ZFHX3: variants seen among roughly 807,000 people sequenced by gnomAD.
ZFHX3 encodes zinc finger homeobox 3, also known as zinc finger homeobox protein 3.
ZFHX3 carries 42 observed loss-of-function variants against 279.1 expected under a neutral mutation model. The observed-to-expected ratio is 0.15, with a 90% confidence interval of 0.12 to 0.19. The LOEUF (loss-of-function observed/expected upper bound fraction) is 0.19. Ranked by LOEUF, ZFHX3 falls within the 10% of genes least tolerant of loss-of-function variation. The pLI, the probability that ZFHX3 is intolerant of heterozygous loss-of-function variation, is 1.00. For synonymous variants in ZFHX3, 2,293 were observed against 1,957.8 expected, an observed-to-expected ratio of 1.17 and a Z score of -4.52; for missense variants, 4,981 against 4,754.0, an observed-to-expected ratio of 1.05 and a Z score of -1.40.
At chr16:73,723,187 G>C (rs2639308) in intron 1 of ZFHX3, among the ~76,000 whole-genome samples, 1 of 152,058 alleles carries the variant, frequency 6.6e-6, no homozygotes, top group South Asian at 2.1e-4. Context: ...GATTCTCTGA[G>C]TGCTTTACAA....
chr16:72,915,177 A>G (rs991161482), intron 3 of ZFHX3, among the ~76,000 whole-genome samples: 2 of 152,304 alleles, frequency 1.3e-5, no homozygotes, highest in East Asian at 1.9e-4. Flanking sequence ...TTCTCCAAAT[A>G]TCTGGCATTT....
intron 3 of ZFHX3, among the ~76,000 whole-genome samples, chr16:72,929,064 T>C (rs1959646268): frequency 6.6e-6 from 1 of 150,664 alleles, no homozygotes; most frequent in African/African-American, 2.5e-5. Flanking sequence ...AGGGAGACAC[T>C]CCATCTCTAC....
At chr16:73,626,400 T>C (rs1206932395) in intron 2 of ZFHX3, among the ~76,000 whole-genome samples, 1 of 152,118 alleles carries the variant, frequency 6.6e-6, no homozygotes, top group Non-Finnish European at 1.5e-5. Context: ...CATCTCTAAA[T>C]GCAAATTTTC....
At chr16:73,203,337 A>G (rs2011675273) in intron 5 of ZFHX3, among the ~76,000 whole-genome samples, 1 of 152,224 alleles carries the variant, frequency 6.6e-6, no homozygotes, top group Non-Finnish European at 1.5e-5. Flanking sequence ...CACTTCCTCT[A>G]GAAAGTTCCA....
chr16:73,576,934 T>A (rs2051806185), intron 2 of ZFHX3, among the ~76,000 whole-genome samples: 1 of 152,152 alleles, frequency 6.6e-6, no homozygotes, highest in African/African-American at 2.4e-5. Context: ...TAAAACCTCA[T>A]AAGACAGCAG....
intron 3 of ZFHX3, among the ~76,000 whole-genome samples, chr16:73,339,635 G>A (rs980429242): frequency 3.3e-5 from 5 of 152,080 alleles, no homozygotes; most frequent in African/African-American, 9.7e-5. Flanking sequence ...GGCTGGGAGC[G>A]GGTTGCTTAT....
At chr16:73,529,839 T>C (rs560085968) in intron 2 of ZFHX3, among the ~76,000 whole-genome samples, 18 of 152,284 alleles carry the variant, frequency 1.2e-4, no homozygotes, top group African/African-American at 4.1e-4. Context: ...TAGGGGATCA[T>C]AGGCTGTGTG....
chr16:73,407,192 C>T (rs1221025138), intron 3 of ZFHX3, among the ~76,000 whole-genome samples: 8 of 152,194 alleles, frequency 5.3e-5, no homozygotes, highest in African/African-American at 1.2e-4. Flanking sequence ...CCAGCCACCA[C>T]GGAGAATGAT....
chr16:73,615,230 G>A (rs191431399), intron 2 of ZFHX3, among the ~76,000 whole-genome samples: 2 of 152,074 alleles, frequency 1.3e-5, no homozygotes, highest in East Asian at 1.9e-4. Context: ...GAAGGAACAG[G>A]CAAATGAACC....
At chr16:73,727,897 C>T (rs937576475) in intron 1 of ZFHX3, among the ~76,000 whole-genome samples, 8 of 151,836 alleles carry the variant, frequency 5.3e-5, no homozygotes, top group Admixed American at 2.6e-4. Context: ...GAAAAGCTAA[C>T]GGGTAAATCT....
At chr16:73,045,073 G>C (rs895409273) in intron 1 of ZFHX3, among the ~76,000 whole-genome samples, 5 of 152,150 alleles carry the variant, frequency 3.3e-5, no homozygotes, top group Non-Finnish European at 5.9e-5. Flanking sequence ...AATTTCTTAA[G>C]TAAGGGTCTG....
chr16:72,808,652 A>G (rs556978486), intron 7 of ZFHX3, among the ~76,000 whole-genome samples: 67 of 152,274 alleles, frequency 4.4e-4, no homozygotes, highest in Admixed American at 7.8e-4. Context: ...AAACATCTCC[A>G]TGGTCTGCTG....
rs1289003688 is a variant in ZFHX3, at chr16:73,450,227, A to C, written c.-1291+5776T>G. Among the ~76,000 whole-genome samples the C allele has an allele frequency of 2.0e-5, 3 of 152,222 alleles. 1 individual carries two copies. Among genetic ancestry groups the C allele is most frequent in the Admixed American group, 1.3e-4 (2 of 15,280 alleles). On this transcript the variant is annotated intron_variant, in intron 3 of 17. Transcript: ENST00000641206. ...TAAACAACACAGTGTTTTTCATTAC[A>C]GTCTTCATAATCCCTTTTTAAAAAT... is the stretch of plus-strand genomic sequence containing the variant.
At chr16:73,862,401 A>G (rs779072079) in intron 1 of ZFHX3, among the ~76,000 whole-genome samples, 2 of 152,212 alleles carry the variant, frequency 1.3e-5, no homozygotes, top group Non-Finnish European at 2.9e-5. Context: ...CATAGTAAAA[A>G]TCTATGTATG....
chr16:73,841,031 T>C (rs1243339634), intron 1 of ZFHX3, among the ~76,000 whole-genome samples: 1 of 152,146 alleles, frequency 6.6e-6, no homozygotes, highest in South Asian at 2.1e-4. Flanking sequence ...TGACTACCAT[T>C]CTCCAGGCTG....
At chr16:72,831,272 C>A (rs985283922) in intron 4 of ZFHX3, among the ~76,000 whole-genome samples, 15 of 152,060 alleles carry the variant, frequency 9.9e-5, no homozygotes, top group African/African-American at 3.6e-4. Context: ...TGATGGAGGT[C>A]CAAGGTCTGG....
At chr16:73,672,732 A>G (rs1567548050) in intron 2 of ZFHX3, among the ~76,000 whole-genome samples, 1 of 63,176 alleles carries the variant, frequency 1.6e-5, no homozygotes, top group Non-Finnish European at 3.0e-5. Context: ...GATCAGAAGA[A>G]AGAGCATATG....
intron 3 of ZFHX3, among the ~76,000 whole-genome samples, chr16:73,346,941 T>C (rs138944899): frequency 6.6e-6 from 1 of 152,350 alleles, no homozygotes; most frequent in African/African-American, 2.4e-5. Flanking sequence ...ATAATGATGA[T>C]TCCAATTAAT....
chr16:72,975,840 C>G (rs1312106319), intron 1 of ZFHX3, among the ~76,000 whole-genome samples: 1 of 152,186 alleles, frequency 6.6e-6, no homozygotes, highest in Non-Finnish European at 1.5e-5. Flanking sequence ...GCGTTTGGGT[C>G]AACAGCTGCT....
Sources: allele counts gnomAD v4.1 joint callset (sites outside exome capture counted in the v4.1 genomes callset), GRCh38; gene constraint gnomAD v4.1.1; transcripts MANE v1.5; gene names NCBI Gene and HGNC (gene_info 2026-07-23, HGNC 2026-07-21).